KDM4B: variants seen among roughly 807,000 people sequenced by gnomAD.
KDM4B encodes lysine demethylase 4B.
A neutral mutation model predicts 125.2 loss-of-function variants in KDM4B; 32 were observed. That is an observed-to-expected ratio of 0.26 (90% CI 0.19 to 0.34). KDM4B has a LOEUF of 0.34. Among genes scored for constraint, KDM4B ranks in the 10% least tolerant of loss-of-function variants. KDM4B has a pLI of 1.00. For synonymous variants in KDM4B, 721 were observed against 677.9 expected (o/e 1.06, Z -0.99); for missense variants, 1,190 against 1,577.7 (o/e 0.75, Z 4.16).
rs148432335 is a variant in KDM4B, at chr19:4,978,080, A to G, written c.-109+8850A>G. Among the ~76,000 whole-genome samples the G allele has an allele frequency of 7.4e-3, 1,128 of 152,256 alleles. 11 individuals are homozygous for G. The highest frequency in any genetic ancestry group is 0.025 in the African/African-American group (1,048 of 41,536). The stretch of plus-strand genomic sequence containing the variant: ...GATTGTCTTGCTCAGGAGAGAGAGA[A>G]GATTGCCGTCCCTAGCATGCACTTG... On this transcript the variant is annotated intron_variant, in intron 1 of 22. Transcript: ENST00000159111.
chr19:5,073,225 T>C (rs531146424), intron 7 of KDM4B, among the ~76,000 whole-genome samples: 12 of 152,362 alleles, frequency 7.9e-5, no homozygotes, highest in Admixed American at 2.6e-4. Flanking sequence ...AGAAAGCCAC[T>C]GAAGAAAACC....
At chr19:5,061,955 A>G (rs1403550312) in intron 6 of KDM4B, among the ~76,000 whole-genome samples, 1 of 152,134 alleles carries the variant, frequency 6.6e-6, no homozygotes, top group African/African-American at 2.4e-5. Context: ...CGTGCAGCCC[A>G]GGCTGGGCTC....
At chr19:4,987,784 C>G (rs532175632) in intron 1 of KDM4B, among the ~76,000 whole-genome samples, 1 of 152,060 alleles carries the variant, frequency 6.6e-6, no homozygotes, top group Non-Finnish European at 1.5e-5. Context: ...GGGGACCTGT[C>G]GGGAAACTCC....
intron 1 of KDM4B, among the ~76,000 whole-genome samples, chr19:5,005,051 G>C (rs1295098782): frequency 1.3e-5 from 2 of 152,204 alleles, no homozygotes; most frequent in Non-Finnish European, 2.9e-5. Flanking sequence ...CGCTCTGTGT[G>C]TGCCGGCCTG....
At chr19:5,137,930 C>A in intron 17 of KDM4B, 32 bp from the exon 18 acceptor site, 1 of 1,549,912 alleles carries the variant, frequency 6.5e-7, no homozygotes, top group Admixed American at 1.7e-5. Context: ...TCCTCAGAGG[C>A]GCACCTGACC....
intron 9 of KDM4B, among the ~76,000 whole-genome samples, chr19:5,104,333 G>A (rs185615422): frequency 1.3e-5 from 2 of 152,322 alleles, no homozygotes; most frequent in African/African-American, 2.4e-5. Context: ...AGCGTTGCAC[G>A]GTAAAACTAC....
At position 5,114,426 on chromosome 19, in the gene KDM4B, A is replaced by G. The variant is rs1347135132; in HGVS notation, c.1115+3608A>G. 2 of 422,166 alleles carry G rather than the reference A, an allele frequency of 4.7e-6. No individual in the cohort carries two copies. 26.2% of individuals were successfully genotyped at this position (422,166 alleles called of 1,614,324 possible). A position where few individuals can be genotyped will look rare whatever the true frequency, so the allele number is the denominator to read the frequency against. On this transcript the variant is annotated intron_variant, in intron 10 of 22. Transcript: ENST00000159111. The surrounding 1 kb of genome is among the most constrained non-coding windows in gnomAD (Gnocchi z 5.8). Reference sequence around the variant, plus strand: ...CACGCCTCTGGCCCCGACTCCTGCCAGGGCTGCCACGGCTGCCACACCCCA... The same window carrying G: ...CACGCCTCTGGCCCCGACTCCTGCCGGGGCTGCCACGGCTGCCACACCCCA...
intron 2 of KDM4B, among the ~76,000 whole-genome samples, chr19:5,025,286 T>C (rs1412382414): frequency 6.6e-6 from 1 of 152,202 alleles, no homozygotes; most frequent in African/African-American, 2.4e-5. Flanking sequence ...TTTGCCCTGG[T>C]CTCCCAGCTT....
chr19:5,009,292 G>A (rs1445916984), intron 1 of KDM4B, among the ~76,000 whole-genome samples: 1 of 152,190 alleles, frequency 6.6e-6, no homozygotes, highest in Non-Finnish European at 1.5e-5. Context: ...GAAGGTTTTG[G>A]TGACATATTT....
At chr19:5,002,313 G>C (rs1019936606) in intron 1 of KDM4B, among the ~76,000 whole-genome samples, 19 of 151,618 alleles carry the variant, frequency 1.3e-4, no homozygotes, top group African/African-American at 4.6e-4. Context: ...ATTTTCCCTC[G>C]GTCTCTGGAT....
chr19:5,024,552 A>G (rs939775907), intron 2 of KDM4B, among the ~76,000 whole-genome samples: 1 of 151,818 alleles, frequency 6.6e-6, no homozygotes, highest in Non-Finnish European at 1.5e-5. Flanking sequence ...CGCCCATAAG[A>G]TGCAGCTGCT....
rs1017820 is a variant in KDM4B at position 5,114,105 on chromosome 19, T to G, written c.1115+3287T>G. 323,023 of 1,289,418 alleles carry G rather than the reference T, an allele frequency of 0.25. 43,579 individuals are homozygous for G. The highest frequency in any genetic ancestry group is 0.61 in the East Asian group (10,927 of 17,988). The allele number at this position is 1,289,418 out of a possible 1,614,324, so 79.9% of individuals were successfully genotyped here. ...AGCCTCCCCACTCCCGGTGGCGCTG[T>G]GCGTTCTGGTGCCCTGCCTGAGCCG... On this transcript the variant is annotated intron_variant, in intron 10 of 22. Coordinates refer to ENST00000159111, the MANE Select transcript of KDM4B (RefSeq NM_015015.3). The surrounding 1 kb of genome is among the most constrained non-coding windows in gnomAD (Gnocchi z 5.8).
At chr19:5,124,778 TACAG>T (rs1249079196) in intron 11 of KDM4B, among the ~76,000 whole-genome samples, 1 of 152,174 alleles carries the variant, frequency 6.6e-6, no homozygotes, top group Non-Finnish European at 1.5e-5. Flanking sequence ...GTATTTTTAG[TACAG>T]ACAGGGTTTC....
rs113608726 is a variant in KDM4B, at chr19:5,003,412, C to T, written c.-108-12845C>T. Among the ~76,000 whole-genome samples, 643 of 151,924 alleles carry T rather than the reference C, an allele frequency of 4.2e-3. 8 individuals carry two copies. Among genetic ancestry groups the T allele is most frequent in the African/African-American group, 0.015 (611 of 41,434 alleles). ...AGGAGGATTGCTTGAACCCAGGAGGCGGAGGTTGTGGTGAGCCAAGATCGT... is the reference window on the plus strand; with the variant it reads ...AGGAGGATTGCTTGAACCCAGGAGGTGGAGGTTGTGGTGAGCCAAGATCGT... On this transcript the variant is annotated intron_variant, in intron 1 of 22. Coordinates refer to ENST00000159111, the MANE Select transcript of KDM4B (RefSeq NM_015015.3).
chr19:5,029,952 C>G (rs1445527496), intron 2 of KDM4B, among the ~76,000 whole-genome samples: 1 of 152,232 alleles, frequency 6.6e-6, no homozygotes, highest in Non-Finnish European at 1.5e-5. Context: ...GATGGAAGGG[C>G]TGTCTGGGTC....
intron 11 of KDM4B, among the ~76,000 whole-genome samples, chr19:5,127,876 C>CT (rs1568313987): frequency 3.3e-5 from 5 of 152,168 alleles, no homozygotes; most frequent in African/African-American, 1.2e-4. Flanking sequence ...TCCCAGGAGG[C>CT]CCCGTTGGTC....
chr19:5,018,733 A>C (rs1481034972), intron 2 of KDM4B, among the ~76,000 whole-genome samples: 1 of 152,034 alleles, frequency 6.6e-6, no homozygotes, highest in Non-Finnish European at 1.5e-5. Context: ...CCTGTCCCCC[A>C]CACCCCAAAA....
intron 1 of KDM4B, among the ~76,000 whole-genome samples, chr19:4,978,323 G>A (rs371105704): frequency 1.1e-4 from 16 of 151,704 alleles, no homozygotes; most frequent in African/African-American, 3.4e-4. Context: ...CCTGGCCAAC[G>A]TGGTGAAACC....
At chr19:5,102,602 C>T (rs1004138249) in intron 9 of KDM4B, among the ~76,000 whole-genome samples, 7 of 152,118 alleles carry the variant, frequency 4.6e-5, no homozygotes, top group East Asian at 1.9e-4. Context: ...GGGCCACTCC[C>T]GGTCTCTTGC....
Sources: allele counts gnomAD v4.1 joint callset (sites outside exome capture counted in the v4.1 genomes callset), GRCh38; gene constraint gnomAD v4.1.1; non-coding constraint Gnocchi (gnomAD v3.1); transcripts MANE v1.5; gene names NCBI Gene and HGNC (gene_info 2026-07-23, HGNC 2026-07-21).